The following TMEM8B variants were observed in gnomAD, a reference collection of about 807,000 sequenced individuals.
The protein encoded by TMEM8B is nasopharyngeal carcinoma expressed 6.
Under a neutral mutation model 49.3 loss-of-function variants are expected in TMEM8B, and 29 were observed. That is an observed-to-expected ratio of 0.59 (90% CI 0.44 to 0.80). TMEM8B has a LOEUF of 0.80. Ranked by LOEUF, TMEM8B falls within the 30% of genes least tolerant of loss-of-function variation. TMEM8B has a pLI of 0.00. For synonymous variants in TMEM8B, 264 were observed against 272.8 expected (o/e 0.97, Z 0.32); for missense variants, 575 against 658.5 (o/e 0.87, Z 1.39).
Position 35,845,756 on chromosome 9 carries a change from G to A in TMEM8B, c.1636-219G>A, listed in dbSNP as rs59627886. ...AACAGATTCAAAATTGGGCCTTGCC[G>A]TCTCATCAGTCCTTGAAAGATTTCT... is the stretch of plus-strand genomic sequence containing the variant. On this transcript the variant is annotated intron_variant, in intron 6 of 12. Transcript: ENST00000643932. 2.1e-3 allele frequency: 2,117 copies of A among 985,436 alleles called. 46 individuals are homozygous for A. In the African/African-American group the frequency reaches 0.034, roughly 16 times the overall value. 61.0% of individuals were successfully genotyped at this position (985,436 alleles called of 1,614,324 possible).
Position 35,864,139 on chromosome 9 carries a change from A to G in TMEM8B, c.*10299A>G, listed in dbSNP as rs1478156150. On this transcript the variant is annotated 3_prime_UTR_variant, in exon 13 of 13. Transcript: ENST00000643932. ...CCTTTTCTGCTGTATGACTTTGGTC[A>G]GATTTCTCCTTCTGAGAAGTGGAGC... is the stretch of plus-strand genomic sequence containing the variant. 3 of 152,222 alleles carry G rather than the reference A, an allele frequency of 2.0e-5. No individual in the cohort carries two copies. The highest frequency in any genetic ancestry group is 6.5e-5 in the Admixed American group (1 of 15,286). The allele number at this position is 152,222 out of a possible 1,614,324, so 9.4% of individuals were successfully genotyped here.
intron 10 of TMEM8B, among the ~76,000 whole-genome samples, chr9:35,847,567 AAGAT>A (rs1270586259): frequency 6.6e-5 from 10 of 152,182 alleles, no homozygotes; most frequent in Non-Finnish European, 1.5e-4. Flanking sequence ...GAACTTTGGA[AAGAT>A]AGAGGGGATC....
At position 35,841,714 on chromosome 9, in the gene TMEM8B, A is replaced by G; in HGVS notation, c.1229A>G (p.His410Arg). 2.4e-6 allele frequency: 1 copy of G among 415,908 alleles called. No homozygotes were observed. 25.8% of individuals were successfully genotyped at this position (415,908 alleles called of 1,614,324 possible). The change falls in exon 5 of 13, where the codon CAC becomes CGC. Residue 410 changes from histidine to arginine, a missense_variant. By Grantham distance (29) the His-to-Arg change is conservative (BLOSUM62 0). Transcript: ENST00000643932. This position sits in a 1 kb window ranked among gnomAD's most constrained non-coding sequence, Gnocchi z 5.9. Reference sequence around the variant, plus strand: ...GAGCTGGCACTGCCCCCCTGGGGGCACTGGGTCTACGTGCGTGTGGAAACA... The same window carrying G: ...GAGCTGGCACTGCCCCCCTGGGGGCGCTGGGTCTACGTGCGTGTGGAAACA... ...QLELALPPWG[H>R]WVYVRVETSS... is the part of the protein sequence containing the mutation.
chr9:35,848,855 A>G (rs191505968), intron 10 of TMEM8B, among the ~76,000 whole-genome samples: 1 of 151,934 alleles, frequency 6.6e-6, no homozygotes, highest in African/African-American at 2.4e-5. Flanking sequence ...TTGTATTTTT[A>G]GTAGAGACAG....
chr9:35,844,427 C>T (rs1033265524), intron 6 of TMEM8B, among the ~76,000 whole-genome samples: 1 of 152,240 alleles, frequency 6.6e-6, no homozygotes, highest in Non-Finnish European at 1.5e-5. Flanking sequence ...CTCTACTATC[C>T]TCCAGCCCTG....
chr9:35,853,686 G>T lies in TMEM8B; in HGVS notation c.2621G>T (p.Gly874Val). ...CATATGCTCATTGCGGGCAGTGTGG[G>T]CTTCCTGCTGCCCCCTCGTGCCAAG... ...IWHMLIAGSV[G>V]FLLPPRAKTD... The change falls in exon 13 of 13, where the codon GGC becomes GTC. Residue 874 changes from glycine (G) to valine (V), a missense_variant. Coordinates refer to ENST00000643932, the MANE Select transcript of TMEM8B (RefSeq NM_001042590.4). This position sits in a 1 kb window ranked among gnomAD's most constrained non-coding sequence, Gnocchi z 4.2. The T allele has an allele frequency of 6.2e-7, 1 of 1,614,150 alleles. No individual in the cohort carries two copies. Among genetic ancestry groups the T allele is most frequent in the East Asian group, 2.2e-5 (1 of 44,878 alleles).
At position 35,841,733 on chromosome 9, in the gene TMEM8B, G is replaced by A. The variant is rs1341462225; in HGVS notation, c.1248G>A (p.Val416=). 9.6e-6 allele frequency: 4 copies of A among 416,008 alleles called. No individual in the cohort carries two copies. Among genetic ancestry groups the A allele is most frequent in the Non-Finnish European group, 1.8e-5 (4 of 226,524 alleles). 25.8% of individuals were successfully genotyped at this position (416,008 alleles called of 1,614,324 possible). Residue 416 remains valine (V), a synonymous_variant, in exon 5 of 13, where the codon GTG becomes GTA. Transcript: ENST00000643932. This position sits in a 1 kb window ranked among gnomAD's most constrained non-coding sequence, Gnocchi z 5.9. Reference sequence around the variant, plus strand: ...GGGGGCACTGGGTCTACGTGCGTGTGGAAACATCATCCCGGGGCCCTGGTA... The same window carrying A: ...GGGGGCACTGGGTCTACGTGCGTGTAGAAACATCATCCCGGGGCCCTGGTA... ...PPWGHWVYVR[V]ETSSRGPGRT... is the part of the protein sequence containing the mutation.
At chr9:35,843,952 C>T (rs1470479728) in intron 6 of TMEM8B, among the ~76,000 whole-genome samples, 2 of 152,090 alleles carry the variant, frequency 1.3e-5, no homozygotes, top group African/African-American at 4.8e-5. Context: ...TTAGTAGAGA[C>T]TGGGTTTCAC....
chr9:35,864,233 C>A lies in TMEM8B; in HGVS notation c.*10393C>A, dbSNP rs927969445. On this transcript the variant is annotated 3_prime_UTR_variant, in exon 13 of 13. Transcript: ENST00000643932. ...CTCATATGTTTCTAGCAACTTCCAACCTGAGGTCTGATAGACCCAGGGTTA... is the reference window on the plus strand; with the variant it reads ...CTCATATGTTTCTAGCAACTTCCAAACTGAGGTCTGATAGACCCAGGGTTA... 1 of 152,218 alleles carries A rather than the reference C, an allele frequency of 6.6e-6. No homozygotes were observed. Among genetic ancestry groups the A allele is most frequent in the Non-Finnish European group, 1.5e-5 (1 of 68,040 alleles). 9.4% of individuals were successfully genotyped at this position (152,218 alleles called of 1,614,324 possible).
rs1829645335 is a variant in TMEM8B, at chr9:35,829,590, C to T, written c.143C>T (p.Ala48Val). 5 of 397,732 alleles carry T rather than the reference C, an allele frequency of 1.3e-5. No homozygotes were observed. The highest frequency in any genetic ancestry group is 2.2e-5 in the Non-Finnish European group (5 of 225,834). 24.6% of individuals were successfully genotyped at this position (397,732 alleles called of 1,614,324 possible). Residue 48 changes from alanine (A) to valine (V), a missense_variant, in exon 1 of 13, where the codon GCC becomes GTC. By Grantham distance (64) the Ala-to-Val change is moderately conservative. Coordinates refer to ENST00000643932, the MANE Select transcript of TMEM8B (RefSeq NM_001042590.4). ...ACCCCCTTCCAGTCTCTGCCCCTGG[C>T]CTGGCCCCCATCCCGGCCTCGGCCC... is the stretch of plus-strand genomic sequence containing the variant. ...SRTPFQSLPL[A>V]WPPSRPRPSF...
intron 6 of TMEM8B, chr9:35,845,725 C>T: frequency 1.0e-6 from 1 of 985,368 alleles, no homozygotes. Flanking sequence ...ACACTTCTGC[C>T]CAAAGAACAG....
chr9:35,832,111 T>C (rs780488967), intron 1 of TMEM8B, among the ~76,000 whole-genome samples: 1 of 152,134 alleles, frequency 6.6e-6, no homozygotes, highest in Non-Finnish European at 1.5e-5. Flanking sequence ...TGGGCTTTTA[T>C]TCTACCTAGT....
intron 10 of TMEM8B, among the ~76,000 whole-genome samples, chr9:35,852,493 A>C (rs1832234098): frequency 6.6e-6 from 1 of 152,130 alleles, no homozygotes; most frequent in South Asian, 2.1e-4. Context: ...CATGGTGAGC[A>C]TGAGGAGACA....
At position 35,856,250 on chromosome 9, in the gene TMEM8B, GT is replaced by G. The variant is rs1832543649; in HGVS notation, c.*2411del. ...TCTTAGAACACTTGTATAGTGCCTA[GT>G]CTGGTATGTGATGTGGTCCAATATA... On this transcript the variant is annotated 3_prime_UTR_variant, in exon 13 of 13. Transcript: ENST00000643932. 6.6e-6 allele frequency: 1 copy of G among 152,232 alleles called. No individual in the cohort carries two copies. Among genetic ancestry groups the G allele is most frequent in the Non-Finnish European group, 1.5e-5 (1 of 68,064 alleles). The allele number at this position is 152,232 out of a possible 1,614,324, so 9.4% of individuals were successfully genotyped here.
rs1309107357 is a variant in TMEM8B, at chr9:35,857,903, T to C, written c.*4063T>C. On this transcript the variant is annotated 3_prime_UTR_variant, in exon 13 of 13. Coordinates refer to ENST00000643932, the MANE Select transcript of TMEM8B (RefSeq NM_001042590.4). ...ACAAACTGGAACCTGTGCCTGGCTCTTATGCCTTCAATCTCAGTGACTGGT... is the reference window on the plus strand; with the variant it reads ...ACAAACTGGAACCTGTGCCTGGCTCCTATGCCTTCAATCTCAGTGACTGGT... 1 of 152,210 alleles carries C rather than the reference T, an allele frequency of 6.6e-6. No individual in the cohort carries two copies. Among genetic ancestry groups the C allele is most frequent in the African/African-American group, 2.4e-5 (1 of 41,426 alleles). 9.4% of individuals were successfully genotyped at this position (152,210 alleles called of 1,614,324 possible). A position where few individuals can be genotyped will look rare whatever the true frequency, so the allele number is the denominator to read the frequency against.
In TMEM8B at chr9:35,829,319, G is replaced by GA. The variant is rs1829589871; in HGVS notation, c.-129_-128insA. On this transcript the variant is annotated 5_prime_UTR_variant, in exon 1 of 13. Coordinates refer to ENST00000643932, the MANE Select transcript of TMEM8B (RefSeq NM_001042590.4). Reference sequence around the variant, plus strand: ...TCGCCCAGGCCTGAACTCCTACCCAGGTCCCCGGCCCCCGCCCCGGGCCCG... The same window carrying GA: ...TCGCCCAGGCCTGAACTCCTACCCAGAGTCCCCGGCCCCCGCCCCGGGCCCG... 2.7e-6 allele frequency: 1 copy of GA among 368,666 alleles called. No individual in the cohort carries two copies. Among genetic ancestry groups the GA allele is most frequent in the Non-Finnish European group, 4.8e-6 (1 of 206,604 alleles). The allele number at this position is 368,666 out of a possible 1,614,324, so 22.8% of individuals were successfully genotyped here.
intron 3 of TMEM8B, among the ~76,000 whole-genome samples, chr9:35,839,830 G>A (rs1211745846): frequency 6.6e-6 from 1 of 152,192 alleles, no homozygotes; most frequent in East Asian, 1.9e-4. Context: ...TCTCTGAAGG[G>A]ACCCCCTTTT....
At chr9:35,830,299 C>A (rs1200042498) in intron 1 of TMEM8B, among the ~76,000 whole-genome samples, 1 of 152,172 alleles carries the variant, frequency 6.6e-6, no homozygotes, top group Middle Eastern at 3.2e-3. Flanking sequence ...CAGTCCCACA[C>A]CAGAAGCCCC....
chr9:35,842,062 G>T lies in TMEM8B; in HGVS notation c.1309+268G>T, dbSNP rs1831061476. Among the ~76,000 whole-genome samples, 1 of 152,116 alleles carries T rather than the reference G, an allele frequency of 6.6e-6. No individual in the cohort carries two copies. Reference sequence around the variant, plus strand: ...CTCTCAGTTTCCTGGGGTAGGCAGGGACATCCAGGACCTCTGGGACACTGT... The same window carrying T: ...CTCTCAGTTTCCTGGGGTAGGCAGGTACATCCAGGACCTCTGGGACACTGT... On this transcript the variant is annotated intron_variant, in intron 5 of 12. Coordinates refer to ENST00000643932, the MANE Select transcript of TMEM8B (RefSeq NM_001042590.4). The surrounding 1 kb of genome is among the most constrained non-coding windows in gnomAD (Gnocchi z 5.6).
Sources: gnomAD v4.1 joint callset for allele counts (sites outside exome capture counted in the v4.1 genomes callset) on GRCh38, gnomAD v4.1.1 for gene constraint, Gnocchi (gnomAD v3.1) non-coding constraint, MANE v1.5 for transcripts, NCBI Gene and HGNC (gene_info 2026-07-23, HGNC 2026-07-21) for gene names.